GHR: variants seen among roughly 807,000 people sequenced by gnomAD.
GHR encodes growth hormone receptor.
GHR carries 35 observed loss-of-function variants against 67.1 expected under a neutral mutation model. The ratio of observed to expected loss-of-function variants is 0.52; its 90% CI spans 0.40 to 0.69. The LOEUF is 0.69. Among genes scored for constraint, GHR ranks in the 30% least tolerant of loss-of-function variants. The pLI, the probability that GHR is intolerant of heterozygous loss-of-function variation, is 0.00. For missense variants in GHR, 792 were observed against 764.6 expected, an observed-to-expected ratio of 1.04 and a Z score of -0.42; for synonymous variants, 272 against 269.1, an observed-to-expected ratio of 1.01 and a Z score of -0.10.
intron 1 of GHR, among the ~76,000 whole-genome samples, chr5:42,502,033 T>C (rs1455228571): frequency 6.6e-6 from 1 of 152,176 alleles, no homozygotes; most frequent in African/African-American, 2.4e-5. Flanking sequence ...CCAGACTTCT[T>C]TCAGAGTTTT....
chr5:42,517,784 CT>C (rs201050019), intron 1 of GHR, among the ~76,000 whole-genome samples: 2,642 of 142,538 alleles, frequency 0.019, 31 homozygotes, highest in Middle Eastern at 0.022. Flanking sequence ...TCATAGTGGA[CT>C]TTTTTTTTTT....
At chr5:42,459,549 C>T (rs541870047) in intron 1 of GHR, among the ~76,000 whole-genome samples, 2 of 152,226 alleles carry the variant, frequency 1.3e-5, no homozygotes, top group South Asian at 4.1e-4. Context: ...GATTAACAAA[C>T]TACCTATCAG....
chr5:42,665,042 G>A (rs1755881334), intron 3 of GHR, among the ~76,000 whole-genome samples: 1 of 152,204 alleles, frequency 6.6e-6, no homozygotes, highest in Non-Finnish European at 1.5e-5. Context: ...AAACCACAAT[G>A]AGATACCATC....
intron 1 of GHR, among the ~76,000 whole-genome samples, chr5:42,480,966 C>T (rs1441708282): frequency 5.3e-5 from 8 of 152,144 alleles, no homozygotes; most frequent in Non-Finnish European, 1.2e-4. Context: ...TTAGTTGATG[C>T]AGTTTCTTCC....
intron 2 of GHR, among the ~76,000 whole-genome samples, chr5:42,609,890 C>T (rs1752807681): frequency 6.6e-6 from 1 of 152,112 alleles, no homozygotes; most frequent in Non-Finnish European, 1.5e-5. Flanking sequence ...AATAATGGTC[C>T]AGTGACTAAG....
chr5:42,566,094 A>C (rs1320372383), intron 2 of GHR, 150 bp downstream of exon 2: 49 of 865,568 alleles, frequency 5.7e-5, no homozygotes. Context: ...TAAAATCAGA[A>C]ACTAGTAGGA....
At chr5:42,565,015 A>AT (rs1749845997) in intron 1 of GHR, among the ~76,000 whole-genome samples, 2 of 152,108 alleles carry the variant, frequency 1.3e-5, no homozygotes, top group Non-Finnish European at 2.9e-5. Context: ...ACCCTGGTAT[A>AT]TTTTTTCTAG....
At chr5:42,426,717 C>T (rs563000707) in intron 1 of GHR, among the ~76,000 whole-genome samples, 1 of 152,284 alleles carries the variant, frequency 6.6e-6, no homozygotes, top group Non-Finnish European at 1.5e-5. Context: ...CTGGAGTCAT[C>T]CCTCAGCCAA....
At chr5:42,449,919 G>T (rs779786035) in intron 1 of GHR, among the ~76,000 whole-genome samples, 3 of 152,024 alleles carry the variant, frequency 2.0e-5, no homozygotes, top group Non-Finnish European at 4.4e-5. Context: ...CTGTTTATGT[G>T]GTGTATCACA....
chr5:42,553,271 A>T (rs1369169834), intron 1 of GHR, among the ~76,000 whole-genome samples: 1 of 152,144 alleles, frequency 6.6e-6, no homozygotes, highest in Admixed American at 6.5e-5. Flanking sequence ...GCCTCTAGGG[A>T]TGAATTTTCC....
At chr5:42,443,576 A>G (rs1003672887) in intron 1 of GHR, among the ~76,000 whole-genome samples, 3 of 152,150 alleles carry the variant, frequency 2.0e-5, no homozygotes, top group Non-Finnish European at 4.4e-5. Flanking sequence ...TGTTTCACCA[A>G]TGTATTAGGG....
chr5:42,455,062 A>G (rs1744204813), intron 1 of GHR, among the ~76,000 whole-genome samples: 1 of 151,436 alleles, frequency 6.6e-6, no homozygotes, highest in Non-Finnish European at 1.5e-5. Flanking sequence ...TGCCTACAAG[A>G]CTCTTCCTGC....
Position 42,561,454 on chromosome 5 carries a change from G to A in GHR, c.-11-4410G>A, listed in dbSNP as rs116484708. On this transcript the variant is annotated intron_variant, in intron 1 of 9. Coordinates refer to ENST00000230882, the MANE Select transcript of GHR (RefSeq NM_000163.5). The stretch of plus-strand genomic sequence containing the variant: ...CATATTGTTTTCTTTGCCTGGAGTT[G>A]GTTATAGCATGCTGGAAAAAGTATT... 4.6e-3 allele frequency among the ~76,000 whole-genome samples: 701 copies of A among 152,280 alleles called. 5 individuals are homozygous for A. The highest frequency in any genetic ancestry group is 0.016 in the Admixed American group (246 of 15,296).
intron 2 of GHR, among the ~76,000 whole-genome samples, chr5:42,602,486 A>G (rs973741690): frequency 1.3e-5 from 2 of 152,044 alleles, no homozygotes; most frequent in African/African-American, 4.8e-5. Flanking sequence ...TATCTTTTTT[A>G]TTGAGGAGTT....
chr5:42,680,506 A>G, intron 3 of GHR, among the ~76,000 whole-genome samples: 1 of 151,388 alleles, frequency 6.6e-6, no homozygotes, highest in South Asian at 2.1e-4. Flanking sequence ...TAAACATTGC[A>G]AAACACTTTT....
chr5:42,666,817 GTC>G (rs1756007741), intron 3 of GHR, among the ~76,000 whole-genome samples: 1 of 152,130 alleles, frequency 6.6e-6, no homozygotes, highest in South Asian at 2.1e-4. Context: ...TGAAAGTTGT[GTC>G]TCTCTAAATC....
At chr5:42,653,259 CAGTA>C (rs1755096543) in intron 3 of GHR, among the ~76,000 whole-genome samples, 1 of 152,090 alleles carries the variant, frequency 6.6e-6, no homozygotes, top group Non-Finnish European at 1.5e-5. Flanking sequence ...TATAATAATT[CAGTA>C]AGGTTACTCT....
intron 1 of GHR, among the ~76,000 whole-genome samples, chr5:42,448,737 T>C (rs1252766490): frequency 6.6e-6 from 1 of 152,010 alleles, no homozygotes; most frequent in Non-Finnish European, 1.5e-5. Context: ...GTTTTTTTGA[T>C]GTTATCTTCT....
chr5:42,698,445 G>C (rs1280177890), intron 5 of GHR, among the ~76,000 whole-genome samples: 1 of 152,178 alleles, frequency 6.6e-6, no homozygotes, highest in Non-Finnish European at 1.5e-5. Flanking sequence ...ATCCAGAAGG[G>C]TGAGGAATTA....
Sources: allele counts gnomAD v4.1 joint callset (sites outside exome capture counted in the v4.1 genomes callset), GRCh38; gene constraint gnomAD v4.1.1; transcripts MANE v1.5; gene names NCBI Gene and HGNC (gene_info 2026-07-23, HGNC 2026-07-21).